Variants in PLCL1 observed in about 807,000 individuals in gnomAD.
PLCL1 encodes the protein phospholipase C like 1 (inactive), also known as inactive phospholipase C-like protein 1.
In PLCL1, 41 loss-of-function variants were observed where a neutral mutation model predicts 84.4. The ratio of observed to expected loss-of-function variants is 0.49; its 90% CI spans 0.38 to 0.63. The LOEUF (loss-of-function observed/expected upper bound fraction) is 0.63, where lower values mean the gene tolerates loss of function less well. Among genes scored for constraint, PLCL1 ranks in the 30% least tolerant of loss-of-function variants. The pLI is 0.00. For synonymous variants in PLCL1, 490 were observed against 488.3 expected, an observed-to-expected ratio of 1.00 and a Z score of -0.05; for missense variants, 1,206 against 1,367.8, an observed-to-expected ratio of 0.88 and a Z score of 1.87.
chr2:197,904,553 T>C (rs1468265975), intron 1 of PLCL1, among the ~76,000 whole-genome samples: 1 of 152,172 alleles, frequency 6.6e-6, no homozygotes, highest in Non-Finnish European at 1.5e-5. Flanking sequence ...GTGCCTACAG[T>C]ATATGACTTT....
chr2:198,090,421 A>G (rs1217848773), intron 3 of PLCL1, among the ~76,000 whole-genome samples: 1 of 151,828 alleles, frequency 6.6e-6, no homozygotes, highest in Non-Finnish European at 1.5e-5. Flanking sequence ...ACTCTTTATA[A>G]TGAACCCAAC....
chr2:198,034,628 CAAGG>C (rs1691511983), intron 1 of PLCL1, among the ~76,000 whole-genome samples: 1 of 152,150 alleles, frequency 6.6e-6, no homozygotes. Flanking sequence ...TTTTGAAAAA[CAAGG>C]ACATTCTCTT....
rs768269772 is a variant in PLCL1 at position 198,084,165 on chromosome 2, T to G, written c.648T>G (p.Ser216=). Reference sequence around the variant, plus strand: ...CAGATGTGGCAAACATCTGGGTGTCTGGGTTACGGTACCTGGTTTCTCGAA... The same window carrying G: ...CAGATGTGGCAAACATCTGGGTGTCGGGGTTACGGTACCTGGTTTCTCGAA... ...NSADVANIWV[S]GLRYLVSRSK... The change falls in exon 2 of 6, where the codon TCT becomes TCG. Residue 216 remains serine, a synonymous_variant. Coordinates refer to ENST00000428675, the MANE Select transcript of PLCL1 (RefSeq NM_006226.4). 2 of 1,614,178 alleles carry G rather than the reference T, an allele frequency of 1.2e-6. No homozygotes were observed. Among genetic ancestry groups the G allele is most frequent in the Non-Finnish European group, 1.7e-6 (2 of 1,180,018 alleles).
intron 1 of PLCL1, among the ~76,000 whole-genome samples, chr2:197,845,035 T>C (rs1175697677): frequency 6.6e-6 from 1 of 152,134 alleles, no homozygotes; most frequent in African/African-American, 2.4e-5. Context: ...TAATAGGTGA[T>C]GTTTTGGTGC....
At chr2:198,007,979 A>G (rs1375383892) in intron 1 of PLCL1, among the ~76,000 whole-genome samples, 1 of 152,102 alleles carries the variant, frequency 6.6e-6, no homozygotes, top group Non-Finnish European at 1.5e-5. Flanking sequence ...CAGCCAAGGC[A>G]AAAAGGGACT....
At chr2:197,908,374 C>T (rs1454451070) in intron 1 of PLCL1, among the ~76,000 whole-genome samples, 1 of 152,220 alleles carries the variant, frequency 6.6e-6, no homozygotes. Context: ...ATTACTCATT[C>T]TATCTTTGGG....
chr2:198,105,390 C>T (rs1397546764), intron 5 of PLCL1, among the ~76,000 whole-genome samples: 2 of 151,882 alleles, frequency 1.3e-5, no homozygotes, highest in African/African-American at 2.4e-5. Flanking sequence ...TGTTTTTGTA[C>T]CAATGCCATG....
intron 5 of PLCL1, among the ~76,000 whole-genome samples, chr2:198,121,488 G>A (rs993170869): frequency 4.6e-5 from 7 of 152,038 alleles, no homozygotes; most frequent in Admixed American, 3.3e-4. Flanking sequence ...TTTGTAAATG[G>A]TGAGAGATAG....
intron 1 of PLCL1, among the ~76,000 whole-genome samples, chr2:197,969,390 A>G (rs1161193584): frequency 1.3e-5 from 2 of 152,184 alleles, no homozygotes; most frequent in Non-Finnish European, 2.9e-5. Flanking sequence ...CTCTGAGTTA[A>G]TTAGGTGGAG....
intron 1 of PLCL1, among the ~76,000 whole-genome samples, chr2:197,988,920 C>T (rs1245660518): frequency 6.6e-6 from 1 of 152,102 alleles, no homozygotes; most frequent in Non-Finnish European, 1.5e-5. Context: ...GTAATTCTTG[C>T]AGGAGTAAGG....
At chr2:197,822,494 A>G (rs1288644770) in intron 1 of PLCL1, among the ~76,000 whole-genome samples, 1 of 152,186 alleles carries the variant, frequency 6.6e-6, no homozygotes, top group East Asian at 1.9e-4. Context: ...CACTCCCACT[A>G]TAATAAATAA....
At chr2:198,047,883 G>A (rs1691844140) in intron 1 of PLCL1, among the ~76,000 whole-genome samples, 1 of 152,284 alleles carries the variant, frequency 6.6e-6, no homozygotes, top group African/African-American at 2.4e-5. Context: ...CAGAGGGCAG[G>A]GAGGTTAAAA....
intron 1 of PLCL1, among the ~76,000 whole-genome samples, chr2:197,840,208 G>A (rs1686968747): frequency 6.6e-6 from 1 of 152,188 alleles, no homozygotes; most frequent in Admixed American, 6.5e-5. Context: ...AACAGAGCTT[G>A]AAGCTTTGAG....
At chr2:198,013,039 T>C (rs1406763692) in intron 1 of PLCL1, among the ~76,000 whole-genome samples, 1 of 152,128 alleles carries the variant, frequency 6.6e-6, no homozygotes, top group Non-Finnish European at 1.5e-5. Context: ...TTCATATCCA[T>C]GAACATAGAT....
At chr2:198,062,060 T>A (rs1042185961) in intron 1 of PLCL1, among the ~76,000 whole-genome samples, 6 of 152,214 alleles carry the variant, frequency 3.9e-5, no homozygotes, top group African/African-American at 1.4e-4. Flanking sequence ...TACATTGAAC[T>A]GCTACAATTC....
At chr2:197,893,760 T>C (rs1298552413) in intron 1 of PLCL1, among the ~76,000 whole-genome samples, 1 of 149,528 alleles carries the variant, frequency 6.7e-6, no homozygotes, top group Non-Finnish European at 1.5e-5. Flanking sequence ...TAGTGTTTAT[T>C]TGAATGTTAG....
At chr2:197,812,426 G>C (rs1412225191) in intron 1 of PLCL1, among the ~76,000 whole-genome samples, 1 of 152,170 alleles carries the variant, frequency 6.6e-6, no homozygotes, top group Non-Finnish European at 1.5e-5. Flanking sequence ...CAGTGTATAA[G>C]TGTTCCATTT....
At position 198,048,069 on chromosome 2, in the gene PLCL1, A is replaced by G. The variant is rs147274213; in HGVS notation, c.241-35689A>G. On this transcript the variant is annotated intron_variant, in intron 1 of 5. Coordinates refer to ENST00000428675, the MANE Select transcript of PLCL1 (RefSeq NM_006226.4). ...GCCTGGACTAACTGGGAAAAGCTTTATGGAGAATATTGGATTTTCTCTCAG... is the reference window on the plus strand; with the variant it reads ...GCCTGGACTAACTGGGAAAAGCTTTGTGGAGAATATTGGATTTTCTCTCAG... Among the ~76,000 whole-genome samples the G allele has an allele frequency of 7.4e-4, 112 of 152,332 alleles. 1 individual carries two copies. The highest frequency in any genetic ancestry group is 6.8e-3 in the Middle Eastern group (2 of 294).
chr2:198,122,907 T>C (rs1456336267), intron 5 of PLCL1, among the ~76,000 whole-genome samples: 1 of 152,132 alleles, frequency 6.6e-6, no homozygotes, highest in Non-Finnish European at 1.5e-5. Flanking sequence ...CACACTATTA[T>C]GATATCCATT....
Sources: gnomAD v4.1 joint callset for allele counts (sites outside exome capture counted in the v4.1 genomes callset) on GRCh38, gnomAD v4.1.1 for gene constraint, MANE v1.5 for transcripts, NCBI Gene and HGNC (gene_info 2026-07-23, HGNC 2026-07-21) for gene names.